Variants in LRP5 observed in about 807,000 individuals in gnomAD.
LRP5 encodes LDL receptor related protein 5.
In LRP5, 62 loss-of-function variants were observed where a neutral mutation model predicts 154.1. That is an observed-to-expected ratio of 0.40 (90% CI 0.33 to 0.50). The LOEUF (loss-of-function observed/expected upper bound fraction) is 0.50, where lower values mean the gene tolerates loss of function less well. Ranked by LOEUF, LRP5 falls within the 20% of genes least tolerant of loss-of-function variation. The pLI is 0.55. For synonymous variants in LRP5, 966 were observed against 1,011.5 expected, an observed-to-expected ratio of 0.96 and a Z score of 0.85; for missense variants, 1,915 against 2,336.7, an observed-to-expected ratio of 0.82 and a Z score of 3.72.
chr11:68,368,103 T>C (rs1192402649), intron 5 of LRP5, among the ~76,000 whole-genome samples: 4 of 149,698 alleles, frequency 2.7e-5, no homozygotes, highest in Non-Finnish European at 5.9e-5. Context: ...TCCTGGCTAG[T>C]CTGAAAAAGG....
intron 2 of LRP5, 60 bp from the exon 3 acceptor site, chr11:68,357,590 C>T (rs2098624167): frequency 2.0e-6 from 3 of 1,487,352 alleles, no homozygotes; most frequent in East Asian, 2.3e-5. Context: ...TGCATCTATG[C>T]AGACAAAAAC....
chr11:68,344,849 C>CTTT (rs58477287), intron 1 of LRP5, among the ~76,000 whole-genome samples: 1,890 of 65,624 alleles, frequency 0.029, 619 homozygotes, highest in Middle Eastern at 0.079. Flanking sequence ...GAATCTCTCT[C>CTTT]TTTTTTTTTT....
At chr11:68,299,937 T>C in the LRP5 span, among the ~76,000 whole-genome samples, 1 of 148,184 alleles carries the variant, frequency 6.7e-6, no homozygotes, top group East Asian at 1.9e-4. Context: ...CTTGTTCTGT[T>C]GCCAGGTTAG....
intron 5 of LRP5, among the ~76,000 whole-genome samples, chr11:68,377,990 T>G (rs2098638304): frequency 1.3e-5 from 2 of 152,232 alleles, no homozygotes; most frequent in African/African-American, 4.8e-5. Context: ...CGGGGGCCAC[T>G]GGACCTTTCC....
chr11:68,365,171 G>A (rs1367262554), intron 4 of LRP5, among the ~76,000 whole-genome samples: 1 of 152,196 alleles, frequency 6.6e-6, no homozygotes, highest in Non-Finnish European at 1.5e-5. Context: ...CCCGGCCATT[G>A]GAGCGTGGGG....
At chr11:68,389,240 G>C (rs113047361) in intron 6 of LRP5, among the ~76,000 whole-genome samples, 576 of 7,614 alleles carry the variant, frequency 0.076, 7 homozygotes, top group African/African-American at 0.17. Flanking sequence ...ACCGATGCCA[G>C]CATCTACCAA....
rs2098653807 is a variant in LRP5, at chr11:68,403,490, A to G, written c.1592A>G (p.Asn531Ser). 10 of 1,613,982 alleles carry G rather than the reference A, an allele frequency of 6.2e-6. No individual in the cohort carries two copies. The highest frequency in any genetic ancestry group is 2.7e-5 in the African/African-American group (2 of 74,996). Residue 531 changes from asparagine to serine, a missense_variant, in exon 8 of 23, where the codon AAT (asparagine) becomes AGT (serine). This residue lies in a region of LRP5 where 773 missense variants were observed against 1,100.9 expected (regional missense o/e 0.70). Coordinates refer to ENST00000294304, the MANE Select transcript of LRP5 (RefSeq NM_002335.4). Reference sequence around the variant, plus strand: ...ATTTCTGCCGTCCTGCAGGTGATCAATGTTGATGGGACGAAGAGGCGGACC... The same window carrying G: ...ATTTCTGCCGTCCTGCAGGTGATCAGTGTTGATGGGACGAAGAGGCGGACC... The part of the protein sequence containing the change: ...DAKTDKIEVI[N>S]VDGTKRRTLL...
chr11:68,409,959 G>C lies in LRP5; in HGVS notation c.2137G>C (p.Val713Leu), dbSNP rs751720886. The change falls in exon 10 of 23, where the codon GTG (valine) becomes CTG (leucine). Residue 713 changes from valine to leucine, a missense_variant. Transcript: ENST00000294304. ...GAACGGGAGCTCGGTGGAGCACGTG[G>C]TGGAGTTTGGCCTTGACTACCCCGA... The part of the protein sequence containing the change: ...FMNGSSVEHV[V>L]EFGLDYPEGM... 8.1e-6 allele frequency: 13 copies of C among 1,613,964 alleles called. No homozygotes were observed. Among genetic ancestry groups the C allele is most frequent in the Non-Finnish European group, 1.0e-5 (12 of 1,180,028 alleles).
chr11:68,318,419 A>G (rs1330507372), intron 1 of LRP5, among the ~76,000 whole-genome samples: 3 of 149,636 alleles, frequency 2.0e-5, no homozygotes, highest in Non-Finnish European at 4.4e-5. Context: ...CGCTTACTGC[A>G]GCCTCTACCT....
chr11:68,368,281 A>C (rs749997904), intron 5 of LRP5, among the ~76,000 whole-genome samples: 9 of 152,192 alleles, frequency 5.9e-5, no homozygotes, highest in Admixed American at 1.3e-4. Flanking sequence ...TGGATCGGGT[A>C]CGGAACACAG....
chr11:68,344,738 A>G (rs1191188226), intron 1 of LRP5, among the ~76,000 whole-genome samples: 2 of 151,224 alleles, frequency 1.3e-5, no homozygotes, highest in Non-Finnish European at 2.9e-5. Flanking sequence ...TACCGTAAGT[A>G]CCTCATATAA....
chr11:68,314,960 C>T (rs1391551746), intron 1 of LRP5, among the ~76,000 whole-genome samples: 1 of 152,210 alleles, frequency 6.6e-6, no homozygotes, highest in Non-Finnish European at 1.5e-5. Flanking sequence ...GTTTTTGGAA[C>T]CCGTTTAATT....
In LRP5 at chr11:68,365,824, G is replaced by A. The variant is rs562699406; in HGVS notation, c.1015+122G>A. On this transcript the variant is annotated intron_variant, in intron 5 of 22. Coordinates refer to ENST00000294304, the MANE Select transcript of LRP5 (RefSeq NM_002335.4). ...ACCCGTTCGAAATGATCCACTTGGC[G>A]GGTGTGGTGATTCAAGTCTGTGGTC... 47 of 1,032,462 alleles carry A rather than the reference G, an allele frequency of 4.6e-5. No homozygotes were observed. The East Asian group carries it at 1.1e-3, about 24-fold the overall frequency. The allele number at this position is 1,032,462 out of a possible 1,614,324, so 64.0% of individuals were successfully genotyped here.
chr11:68,373,556 G>A (rs558618986), intron 5 of LRP5, among the ~76,000 whole-genome samples: 14 of 152,262 alleles, frequency 9.2e-5, no homozygotes, highest in Middle Eastern at 3.4e-3. Flanking sequence ...GCCGCCCAGC[G>A]TGGCCGGGGC....
intron 1 of LRP5, among the ~76,000 whole-genome samples, chr11:68,333,090 A>G (rs1444682911): frequency 1.3e-5 from 2 of 152,192 alleles, no homozygotes; most frequent in Admixed American, 6.5e-5. Flanking sequence ...ATGTTGCCAA[A>G]ATTGCGGTCA....
At chr11:68,429,454 G>A in intron 16 of LRP5, 121 bp from the exon 17 acceptor site, 1 of 1,234,678 alleles carries the variant, frequency 8.1e-7, no homozygotes, top group South Asian at 1.2e-5. Flanking sequence ...TCCTCCCAGA[G>A]AGGCCGGGCC....
intron 1 of LRP5, among the ~76,000 whole-genome samples, chr11:68,328,995 G>A (rs1189915011): frequency 1.3e-5 from 2 of 152,134 alleles, no homozygotes; most frequent in Admixed American, 6.5e-5. Context: ...CCGTGAGCCC[G>A]CCCTTCCCAC....
intron 12 of LRP5, among the ~76,000 whole-genome samples, chr11:68,414,442 T>A (rs1307868865): frequency 6.6e-6 from 1 of 152,214 alleles, no homozygotes; most frequent in East Asian, 1.9e-4. Context: ...GCCATACAAC[T>A]GGGGTGGGTT....
intron 7 of LRP5, among the ~76,000 whole-genome samples, chr11:68,392,077 A>G (rs1164299814): frequency 6.6e-6 from 1 of 151,988 alleles, no homozygotes; most frequent in Non-Finnish European, 1.5e-5. Context: ...CAAACTCCTG[A>G]GGCACAAGCG....
Sources: gnomAD v4.1 joint callset for allele counts (sites outside exome capture counted in the v4.1 genomes callset) on GRCh38, gnomAD v4.1.1 for gene constraint, gnomAD v4.1.1 regional missense constraint, MANE v1.5 for transcripts, NCBI Gene and HGNC (gene_info 2026-07-23, HGNC 2026-07-21) for gene names.